APPL2: variants seen among roughly 807,000 people sequenced by gnomAD.
APPL2 encodes DCC-interacting protein 13-beta.
In APPL2, 84 loss-of-function variants were observed where a neutral mutation model predicts 92.7. The ratio of observed to expected loss-of-function variants is 0.91; its 90% CI spans 0.76 to 1.09. The LOEUF is 1.09. Ranked by LOEUF, APPL2 falls within the 50% of genes least tolerant of loss-of-function variation. APPL2 has a pLI of 0.00. For synonymous variants in APPL2, 291 were observed against 291.0 expected (o/e 1.00, Z 0.00); for missense variants, 736 against 824.5 (o/e 0.89, Z 1.31).
intron 17 of APPL2, among the ~76,000 whole-genome samples, chr12:105,184,009 A>C (rs896462217): frequency 1.3e-5 from 2 of 152,150 alleles, no homozygotes; most frequent in African/African-American, 4.8e-5. Context: ...CATTAAGTTA[A>C]TCTTCAATCT....
chr12:105,178,931 A>G (rs368519439), intron 17 of APPL2, among the ~76,000 whole-genome samples: 5 of 152,216 alleles, frequency 3.3e-5, no homozygotes, highest in South Asian at 4.1e-4. Context: ...TAACACATGC[A>G]TATTTTGTGG....
chr12:105,203,788 G>C lies in APPL2; in HGVS notation c.622-3C>G. 1 of 1,607,540 alleles carries C rather than the reference G, an allele frequency of 6.2e-7. No homozygotes were observed. The highest frequency in any genetic ancestry group is 1.1e-5 in the South Asian group (1 of 90,958). ...GCTCCCTTCTTAAAAAAGTTAATCT[G>C]AAAGATATAATTATAATATTCTGAA... On this transcript the variant is annotated splice_region_variant and splice_polypyrimidine_tract_variant and intron_variant, in intron 8 of 20. Coordinates refer to ENST00000258530, the MANE Select transcript of APPL2 (RefSeq NM_018171.5).
intron 9 of APPL2, among the ~76,000 whole-genome samples, chr12:105,200,872 C>G (rs55832905): frequency 0.5 from 58,227 of 116,806 alleles, 12,024 homozygotes; most frequent in Middle Eastern, 0.67. Context: ...ATGTATCTAT[C>G]TATCTATCTA....
intron 11 of APPL2, among the ~76,000 whole-genome samples, chr12:105,197,380 A>G (rs1228293693): frequency 2.6e-5 from 4 of 152,116 alleles, no homozygotes; most frequent in African/African-American, 9.7e-5. Flanking sequence ...GGTCGTCCTT[A>G]CCAAAATAGT....
intron 14 of APPL2, 79 bp downstream of exon 14, chr12:105,195,182 A>T: frequency 2.1e-6 from 3 of 1,419,424 alleles, no homozygotes; most frequent in Non-Finnish European, 3.0e-6. Flanking sequence ...GTTTGTGTGG[A>T]TTAAGCAACA....
intron 4 of APPL2, among the ~76,000 whole-genome samples, chr12:105,211,925 C>T (rs1889257210): frequency 6.6e-6 from 1 of 152,000 alleles, no homozygotes; most frequent in Non-Finnish European, 1.5e-5. Context: ...TCGAGACCAT[C>T]CTTGCTAGCA....
intron 20 of APPL2, among the ~76,000 whole-genome samples, chr12:105,174,867 T>G (rs1885350054): frequency 6.6e-5 from 4 of 60,400 alleles, no homozygotes; most frequent in Admixed American, 6.0e-4. Context: ...TGCTGCTGCT[T>G]TTTTTTGGTG....
chr12:105,206,655 G>A (rs1888725422), intron 8 of APPL2, among the ~76,000 whole-genome samples: 1 of 152,190 alleles, frequency 6.6e-6, no homozygotes, highest in Non-Finnish European at 1.5e-5. Context: ...TGCACCTGAG[G>A]AGCCAGCAGA....
intron 19 of APPL2, 56 bp from the exon 20 acceptor site, chr12:105,176,138 G>T (rs749307365): frequency 7.4e-6 from 11 of 1,481,132 alleles, no homozygotes; most frequent in Non-Finnish European, 1.0e-5. Flanking sequence ...TAAAATTTTA[G>T]AACAAATGTG....
chr12:105,199,608 A>C (rs1592788380), intron 9 of APPL2, 77 bp from the exon 10 acceptor site: 1 of 1,478,048 alleles, frequency 6.8e-7, no homozygotes. Context: ...GGCAGCCATC[A>C]CTCCACCCCC....
chr12:105,209,267 T>G (rs1889016093), intron 5 of APPL2, among the ~76,000 whole-genome samples: 1 of 152,182 alleles, frequency 6.6e-6, no homozygotes, highest in Non-Finnish European at 1.5e-5. Context: ...TCTAATTTGG[T>G]CTGATGTTGA....
intron 4 of APPL2, among the ~76,000 whole-genome samples, chr12:105,215,501 G>C (rs1251190993): frequency 2.0e-5 from 3 of 152,186 alleles, no homozygotes; most frequent in Non-Finnish European, 2.9e-5. Context: ...CCCGTGCCTA[G>C]AACAGCGTCT....
chr12:105,233,136 C>G, intron 1 of APPL2: 2 of 985,438 alleles, frequency 2.0e-6, no homozygotes, highest in Non-Finnish European at 2.4e-6. Flanking sequence ...TGCAGGAGCT[C>G]AAAGCTGCAT....
chr12:105,229,561 GT>G, intron 1 of APPL2: 1 of 1,013,642 alleles, frequency 9.9e-7, no homozygotes, highest in Non-Finnish European at 1.2e-6. Flanking sequence ...AATAAAAAAA[GT>G]GTTTAAAAGG....
chr12:105,200,470 G>A (rs766578338), intron 9 of APPL2, among the ~76,000 whole-genome samples: 11 of 152,236 alleles, frequency 7.2e-5, no homozygotes, highest in African/African-American at 2.2e-4. Flanking sequence ...GTAAGTGGGC[G>A]GATGGCCTGG....
Position 105,195,541 on chromosome 12 carries a change from C to T in APPL2, c.1096-40G>A, listed in dbSNP as rs747979086. 2.5e-5 allele frequency: 40 copies of T among 1,614,090 alleles called. 1 individual carries two copies. The African/African-American group carries it at 3.2e-4, about 13-fold the overall frequency. On this transcript the variant is annotated intron_variant, in intron 12 of 20. Coordinates refer to ENST00000258530, the MANE Select transcript of APPL2 (RefSeq NM_018171.5). ...AAAAAAGAACACTGAATCCCAAAGTCACCCACCACGTTAGGAAAGAAATAT... is the reference window on the plus strand; with the variant it reads ...AAAAAAGAACACTGAATCCCAAAGTTACCCACCACGTTAGGAAAGAAATAT...
Position 105,235,958 on chromosome 12 carries a change from C to T in APPL2, c.54+1G>A. 1 of 1,248,716 alleles carries T rather than the reference C, an allele frequency of 8.0e-7. No homozygotes were observed. The highest frequency in any genetic ancestry group is 1.0e-6 in the Non-Finnish European group (1 of 988,198). 77.4% of individuals were successfully genotyped at this position (1,248,716 alleles called of 1,614,324 possible). A position where few individuals can be genotyped will look rare whatever the true frequency, so the allele number is the denominator to read the frequency against. On this transcript the variant is annotated splice_donor_variant, in intron 1 of 20. Transcript: ENST00000258530. LOFTEE classifies it high-confidence loss of function. ...AGGGGCACCGGAGCGGCGGGAGGTA[C>T]CTGGGGGCTGTCCTGCAACGCCTCC...
At chr12:105,206,796 G>A (rs1888737644) in intron 8 of APPL2, 1 of 328,118 alleles carries the variant, frequency 3.0e-6, no homozygotes, top group South Asian at 7.3e-5. Flanking sequence ...AGAAAAAAAG[G>A]GCCACACAGG....
chr12:105,198,017 T>G, intron 10 of APPL2, 64 bp from the exon 11 acceptor site: 1 of 1,524,164 alleles, frequency 6.6e-7, no homozygotes, highest in Non-Finnish European at 8.9e-7. Flanking sequence ...CTCCAAGTCT[T>G]GCTACCTCGT....
Sources: gnomAD v4.1 joint callset for allele counts (sites outside exome capture counted in the v4.1 genomes callset) on GRCh38, gnomAD v4.1.1 for gene constraint, MANE v1.5 for transcripts, NCBI Gene and HGNC (gene_info 2026-07-23, HGNC 2026-07-21) for gene names.